Variants in MARCHF1 observed in about 807,000 individuals in gnomAD.
The protein encoded by MARCHF1 is membrane associated ring-CH-type finger 1, also known as E3 ubiquitin-protein ligase MARCHF1.
A neutral mutation model predicts 54.2 loss-of-function variants in MARCHF1; 40 were observed. The observed-to-expected ratio is 0.74, with a 90% CI of 0.57 to 0.96. The LOEUF (loss-of-function observed/expected upper bound fraction) is 0.96, where lower values mean the gene tolerates loss of function less well. Ranked by LOEUF, MARCHF1 falls within the 40% of genes least tolerant of loss-of-function variation. The pLI, the probability that MARCHF1 is intolerant of heterozygous loss-of-function variation, is 0.00. For missense variants in MARCHF1, 586 were observed against 656.5 expected (o/e 0.89, Z 1.17); for synonymous variants, 236 against 236.3 (o/e 1.00, Z 0.01).
At chr4:163,659,888 A>G (rs1743284785) in intron 5 of MARCHF1, among the ~76,000 whole-genome samples, 1 of 152,160 alleles carries the variant, frequency 6.6e-6, no homozygotes, top group Admixed American at 6.5e-5. Context: ...ACTATTAAAA[A>G]GTTGGGAAAC....
intron 1 of MARCHF1, among the ~76,000 whole-genome samples, chr4:164,137,626 A>G (rs925103866): frequency 1.3e-5 from 2 of 152,184 alleles, no homozygotes; most frequent in Non-Finnish European, 2.9e-5. Context: ...ATGAGAATAT[A>G]TTTTCCTAAT....
At chr4:164,378,231 C>T (rs577576608) in intron 1 of MARCHF1, among the ~76,000 whole-genome samples, 1 of 152,260 alleles carries the variant, frequency 6.6e-6, no homozygotes, top group Non-Finnish European at 1.5e-5. Flanking sequence ...CGGGCTTTGC[C>T]TGAGCAGAGG....
chr4:164,036,739 A>G (rs767146526), intron 2 of MARCHF1, among the ~76,000 whole-genome samples: 14 of 152,198 alleles, frequency 9.2e-5, no homozygotes, highest in Non-Finnish European at 2.1e-4. Flanking sequence ...TAAAATCTCA[A>G]TGTCATACCA....
intron 4 of MARCHF1, among the ~76,000 whole-genome samples, chr4:163,791,763 T>C (rs1747779584): frequency 6.6e-6 from 1 of 152,154 alleles, no homozygotes; most frequent in Non-Finnish European, 1.5e-5. Context: ...ACAAATTAGG[T>C]TCCATGTCCA....
At chr4:164,088,806 A>C (rs949167870) in intron 2 of MARCHF1, among the ~76,000 whole-genome samples, 43 of 152,212 alleles carry the variant, frequency 2.8e-4, no homozygotes, top group African/African-American at 9.6e-4. Context: ...AAGACAACTT[A>C]ATAAGATAAT....
intron 3 of MARCHF1, among the ~76,000 whole-genome samples, chr4:163,889,919 C>CTTTTTTTTTTTT (rs146357456): frequency 5.1e-4 from 60 of 117,216 alleles, no homozygotes; most frequent in East Asian, 2.6e-3. Flanking sequence ...TATTTATTTT[C>CTTTTTTTTTTTT]TTTTTTCTTT....
At chr4:163,658,146 A>G (rs1743216355) in intron 5 of MARCHF1, among the ~76,000 whole-genome samples, 1 of 152,114 alleles carries the variant, frequency 6.6e-6, no homozygotes, top group Non-Finnish European at 1.5e-5. Flanking sequence ...AATTTTTATA[A>G]TCTATCTATC....
chr4:164,123,664 T>G (rs1340244565), intron 1 of MARCHF1, among the ~76,000 whole-genome samples: 1 of 152,088 alleles, frequency 6.6e-6, no homozygotes, highest in Non-Finnish European at 1.5e-5. Flanking sequence ...AGTGAACTCA[T>G]TTTTGACAAA....
chr4:163,893,586 G>A (rs766869207), intron 3 of MARCHF1, among the ~76,000 whole-genome samples: 2 of 152,006 alleles, frequency 1.3e-5, no homozygotes, highest in African/African-American at 2.4e-5. Flanking sequence ...AAATGGAAAG[G>A]GAACTCAAGT....
chr4:163,652,192 T>G (rs1742992375), intron 5 of MARCHF1, among the ~76,000 whole-genome samples: 3 of 151,850 alleles, frequency 2.0e-5, no homozygotes, highest in African/African-American at 7.2e-5. Context: ...TCCCATAATA[T>G]TCTGCATTTA....
intron 8 of MARCHF1, among the ~76,000 whole-genome samples, chr4:163,580,189 C>T (rs893505857): frequency 2.6e-5 from 4 of 151,994 alleles, no homozygotes; most frequent in African/African-American, 7.3e-5. Flanking sequence ...ACCAATTTTC[C>T]TGCCTCAGCC....
intron 3 of MARCHF1, among the ~76,000 whole-genome samples, chr4:163,860,163 G>A (rs1178816912): frequency 6.6e-6 from 1 of 152,128 alleles, no homozygotes; most frequent in African/African-American, 2.4e-5. Context: ...GAGAATTATG[G>A]TCGATTTCAG....
At chr4:163,748,141 C>T (rs1186824068) in intron 4 of MARCHF1, among the ~76,000 whole-genome samples, 1 of 152,180 alleles carries the variant, frequency 6.6e-6, no homozygotes, top group East Asian at 1.9e-4. Context: ...TGTACTTACT[C>T]CTTGCCCTCT....
intron 3 of MARCHF1, among the ~76,000 whole-genome samples, chr4:163,952,800 T>C (rs1752159252): frequency 6.6e-6 from 1 of 152,052 alleles, no homozygotes; most frequent in Admixed American, 6.6e-5. Context: ...TACATGACAA[T>C]CAACAAAGAA....
intron 3 of MARCHF1, among the ~76,000 whole-genome samples, chr4:163,881,190 C>T (rs944431349): frequency 2.6e-5 from 4 of 152,242 alleles, no homozygotes; most frequent in Admixed American, 2.6e-4. Flanking sequence ...AATTATCCAA[C>T]AAGGCCGGGC....
At chr4:164,246,761 G>A (rs1020763796) in intron 1 of MARCHF1, among the ~76,000 whole-genome samples, 3 of 117,518 alleles carry the variant, frequency 2.6e-5, no homozygotes, top group African/African-American at 9.2e-5. Flanking sequence ...AAATTTACAA[G>A]AAAAAAACAA....
chr4:163,872,923 A>G (rs1186216576), intron 3 of MARCHF1, among the ~76,000 whole-genome samples: 1 of 152,114 alleles, frequency 6.6e-6, no homozygotes, highest in Non-Finnish European at 1.5e-5. Flanking sequence ...GGGCGCCTGT[A>G]GTCCCAGCTA....
intron 3 of MARCHF1, among the ~76,000 whole-genome samples, chr4:163,906,094 T>C (rs980201853): frequency 7.2e-5 from 11 of 152,096 alleles, no homozygotes; most frequent in African/African-American, 2.7e-4. Context: ...GGAGAAATAT[T>C]ATTATACTTT....
At chr4:163,572,750 A>G (rs973080490) in intron 8 of MARCHF1, among the ~76,000 whole-genome samples, 4 of 152,084 alleles carry the variant, frequency 2.6e-5, no homozygotes, top group African/African-American at 9.7e-5. Flanking sequence ...CTCTGTCAGA[A>G]TAACAAAGCT....
Sources: allele counts gnomAD v4.1 joint callset (sites outside exome capture counted in the v4.1 genomes callset), GRCh38; gene constraint gnomAD v4.1.1; transcripts MANE v1.5; gene names NCBI Gene and HGNC (gene_info 2026-07-23, HGNC 2026-07-21).